Variants in EFNA5 observed in about 807,000 individuals in gnomAD.
EFNA5 encodes ephrin-A5.
Under a neutral mutation model 22.9 loss-of-function variants are expected in EFNA5, and 5 were observed. The observed-to-expected ratio is 0.22, with a 90% CI of 0.11 to 0.46. The LOEUF (loss-of-function observed/expected upper bound fraction) is 0.46. Ranked by LOEUF, EFNA5 falls within the 20% of genes least tolerant of loss-of-function variation. The probability of loss-of-function intolerance (pLI) is 0.99; values close to 1 mark genes in which losing one functional copy is unlikely to be tolerated. For synonymous variants in EFNA5, 113 were observed against 112.2 expected (o/e 1.01, Z -0.04); for missense variants, 237 against 293.3 (o/e 0.81, Z 1.40).
intron 1 of EFNA5, among the ~76,000 whole-genome samples, chr5:107,551,328 G>T (rs1404596430): frequency 6.6e-6 from 1 of 152,118 alleles, no homozygotes; most frequent in African/African-American, 2.4e-5. Context: ...GGCTTTGTGG[G>T]CTACACGATC....
At chr5:107,660,761 C>A (rs920217327) in intron 1 of EFNA5, among the ~76,000 whole-genome samples, 1 of 152,012 alleles carries the variant, frequency 6.6e-6, no homozygotes, top group African/African-American at 2.4e-5. Context: ...CACTGAGGTC[C>A]CTTCTCTCCT....
chr5:107,651,855 G>A (rs1750743020), intron 1 of EFNA5, among the ~76,000 whole-genome samples: 1 of 152,040 alleles, frequency 6.6e-6, no homozygotes, highest in African/African-American at 2.4e-5. Context: ...CCAGTATTCT[G>A]TTATATTTAC....
At chr5:107,403,257 C>T (rs1424776640) in intron 2 of EFNA5, among the ~76,000 whole-genome samples, 1 of 152,152 alleles carries the variant, frequency 6.6e-6, no homozygotes, top group Non-Finnish European at 1.5e-5. Context: ...CTTTGATGAC[C>T]CGAGAAGGTT....
At chr5:107,439,324 C>T (rs1749196136) in intron 1 of EFNA5, among the ~76,000 whole-genome samples, 1 of 152,150 alleles carries the variant, frequency 6.6e-6, no homozygotes, top group East Asian at 1.9e-4. Context: ...GACTTCTAGC[C>T]TCCAAAACTG....
At chr5:107,458,081 T>A (rs1304189512) in intron 1 of EFNA5, among the ~76,000 whole-genome samples, 1 of 152,222 alleles carries the variant, frequency 6.6e-6, no homozygotes, top group Non-Finnish European at 1.5e-5. Flanking sequence ...TATACGTTGA[T>A]CATATCATAT....
In EFNA5 at chr5:107,634,463, C is replaced by CA. The variant is rs1353246016; in HGVS notation, c.125+36025_125+36026insT. ...CCCAGGTGTTTGAGGTTGCAGTTAG[C>CA]TATGATGGCGCCACTGCACTGTAGC... On this transcript the variant is annotated intron_variant, in intron 1 of 4. Transcript: ENST00000333274. Among the ~76,000 whole-genome samples the CA allele has an allele frequency of 8.6e-3, 1,285 of 148,784 alleles. 92 individuals are homozygous for CA. Among genetic ancestry groups the CA allele is most frequent in the Middle Eastern group, 0.017 (5 of 290 alleles).
At chr5:107,396,175 TA>T (rs923696467) in intron 2 of EFNA5, among the ~76,000 whole-genome samples, 7 of 152,222 alleles carry the variant, frequency 4.6e-5, no homozygotes, top group Non-Finnish European at 1.0e-4. Flanking sequence ...CTTTCATTAT[TA>T]TTCTCCTTGG....
At chr5:107,670,030 TAAAAAAAAA>T (rs67814628) in intron 1 of EFNA5, among the ~76,000 whole-genome samples, 39 of 116,692 alleles carry the variant, frequency 3.3e-4, no homozygotes, top group Admixed American at 1.5e-3. Flanking sequence ...AAATTAAAAT[TAAAAAAAAA>T]AAAAAAAAAA....
chr5:107,651,978 T>TC lies in EFNA5; in HGVS notation c.125+18510dup, dbSNP rs1750744807. ...AACAATGCAATATAATGGTCCTCCT[T>TC]CCCCTACTAAAAATGCAGCCTCGTG... On this transcript the variant is annotated intron_variant, in intron 1 of 4. Coordinates refer to ENST00000333274, the MANE Select transcript of EFNA5 (RefSeq NM_001962.3). Among the ~76,000 whole-genome samples the TC allele has an allele frequency of 3.3e-5, 5 of 152,260 alleles. No homozygotes were observed. The South Asian group carries it at 1.0e-3, about 32-fold the overall frequency.
At chr5:107,499,909 G>GGAAT (rs745766562) in intron 1 of EFNA5, among the ~76,000 whole-genome samples, 1 of 152,168 alleles carries the variant, frequency 6.6e-6, no homozygotes, top group Non-Finnish European at 1.5e-5. Context: ...AACACCAACT[G>GGAAT]GAATATCTGA....
At chr5:107,397,069 C>T (rs1306404087) in intron 2 of EFNA5, among the ~76,000 whole-genome samples, 1 of 150,088 alleles carries the variant, frequency 6.7e-6, no homozygotes, top group African/African-American at 2.5e-5. Flanking sequence ...TATAAATGTT[C>T]TCACTCCACT....
chr5:107,438,250 A>T (rs1050986508), intron 1 of EFNA5, among the ~76,000 whole-genome samples: 2 of 152,078 alleles, frequency 1.3e-5, no homozygotes, highest in East Asian at 3.9e-4. Context: ...CTGAAACAAG[A>T]CTCACAAAAG....
intron 1 of EFNA5, among the ~76,000 whole-genome samples, chr5:107,455,715 GCA>G (rs1404780322): frequency 2.0e-5 from 3 of 152,144 alleles, no homozygotes; most frequent in Non-Finnish European, 4.4e-5. Flanking sequence ...TTAGGACAAT[GCA>G]CAGACATGAG....
intron 2 of EFNA5, among the ~76,000 whole-genome samples, chr5:107,411,950 G>A (rs951641004): frequency 1.3e-5 from 2 of 152,046 alleles, no homozygotes; most frequent in Admixed American, 6.6e-5. Context: ...ACTCATCTGT[G>A]GTGTACTTTG....
intron 1 of EFNA5, among the ~76,000 whole-genome samples, chr5:107,625,622 C>G (rs1750126241): frequency 6.6e-6 from 1 of 152,160 alleles, no homozygotes; most frequent in African/African-American, 2.4e-5. Context: ...ACAGGTTTAG[C>G]AATCATCTAA....
intron 1 of EFNA5, among the ~76,000 whole-genome samples, chr5:107,563,412 T>G (rs1441655562): frequency 5.9e-5 from 9 of 152,112 alleles, no homozygotes; most frequent in Admixed American, 5.9e-4. Flanking sequence ...TTTCTTTTTA[T>G]TTTATTTTTA....
At chr5:107,419,866 G>GCA (rs200271703) in intron 2 of EFNA5, among the ~76,000 whole-genome samples, 4 of 151,846 alleles carry the variant, frequency 2.6e-5, no homozygotes, top group South Asian at 2.1e-4. Flanking sequence ...AAAGTAAAAT[G>GCA]CACACACACA....
At chr5:107,620,946 C>T (rs748737702) in intron 1 of EFNA5, among the ~76,000 whole-genome samples, 6 of 152,114 alleles carry the variant, frequency 3.9e-5, no homozygotes, top group African/African-American at 1.4e-4. Context: ...ATATTTGGAT[C>T]ATCACGTGTA....
chr5:107,474,520 G>A (rs1016083055), intron 1 of EFNA5, among the ~76,000 whole-genome samples: 2 of 151,960 alleles, frequency 1.3e-5, no homozygotes, highest in Non-Finnish European at 2.9e-5. Flanking sequence ...TTTCCTCCAG[G>A]CATGACTAAT....
Sources: gnomAD v4.1 joint callset for allele counts (sites outside exome capture counted in the v4.1 genomes callset) on GRCh38, gnomAD v4.1.1 for gene constraint, MANE v1.5 for transcripts, NCBI Gene and HGNC (gene_info 2026-07-23, HGNC 2026-07-21) for gene names.